Variants in ZNF730 observed in about 807,000 individuals in gnomAD.
The protein encoded by ZNF730 is zinc finger protein 730.
Under a neutral mutation model 12.6 loss-of-function variants are expected in ZNF730, and 12 were observed. The observed-to-expected ratio is 0.95, with a 90% CI of 0.61 to 1.54. The LOEUF (loss-of-function observed/expected upper bound fraction) is 1.54. Ranked by LOEUF, ZNF730 falls within the 40% of genes most tolerant of loss-of-function variation. The probability of loss-of-function intolerance (pLI) is 0.00; values close to 1 mark genes in which losing one functional copy is unlikely to be tolerated. For synonymous variants in ZNF730, 194 were observed against 195.8 expected, an observed-to-expected ratio of 0.99 and a Z score of 0.08; for missense variants, 643 against 583.5, an observed-to-expected ratio of 1.10 and a Z score of -1.05.
chr19:23,129,092 G>A lies in ZNF730; in HGVS notation c.4-4988G>A, dbSNP rs145297366. Among the ~76,000 whole-genome samples the A allele has an allele frequency of 3.7e-3, 559 of 152,294 alleles. 1 individual carries two copies. Among genetic ancestry groups the A allele is most frequent in the Non-Finnish European group, 6.2e-3 (424 of 68,028 alleles). On this transcript the variant is annotated intron_variant, in intron 1 of 3. Coordinates refer to ENST00000597761, the MANE Select transcript of ZNF730 (RefSeq NM_001277403.2). Reference sequence around the variant, plus strand: ...TCCACCTAGATTTCAGAGCTATATGGGAACCCCTGGATGGCCAGGCAGAAG... The same window carrying A: ...TCCACCTAGATTTCAGAGCTATATGAGAACCCCTGGATGGCCAGGCAGAAG...
chr19:23,088,673 C>T (rs1970107132), intron 1 of ZNF730, among the ~76,000 whole-genome samples: 1 of 151,796 alleles, frequency 6.6e-6, no homozygotes, highest in Non-Finnish European at 1.5e-5. Flanking sequence ...CCATGTTGGC[C>T]AGGCTGGTCT....
intron 1 of ZNF730, among the ~76,000 whole-genome samples, chr19:23,079,317 C>G (rs193090942): frequency 1.3e-5 from 2 of 151,994 alleles, no homozygotes; most frequent in East Asian, 3.9e-4. Context: ...GCCACCACGC[C>G]CAGCTTATTT....
At chr19:23,139,932 G>A (rs1167562619) in intron 3 of ZNF730, among the ~76,000 whole-genome samples, 1 of 151,928 alleles carries the variant, frequency 6.6e-6, no homozygotes, top group South Asian at 2.1e-4. Context: ...TTTCGGTGTG[G>A]GTTTCCTAAT....
At chr19:23,097,749 A>C (rs1970276800) in intron 1 of ZNF730, among the ~76,000 whole-genome samples, 1 of 152,090 alleles carries the variant, frequency 6.6e-6, no homozygotes, top group Admixed American at 6.6e-5. Flanking sequence ...TGTGTCATAT[A>C]GTTTTACCCA....
chr19:23,105,836 A>G (rs1970386622), intron 1 of ZNF730, among the ~76,000 whole-genome samples: 1 of 152,218 alleles, frequency 6.6e-6, no homozygotes, highest in Non-Finnish European at 1.5e-5. Context: ...TGCATCCATA[A>G]AATAGCATCC....
intron 1 of ZNF730, among the ~76,000 whole-genome samples, chr19:23,082,770 C>T (rs1037579735): frequency 3.3e-5 from 5 of 151,908 alleles, no homozygotes; most frequent in Non-Finnish European, 5.9e-5. Flanking sequence ...GGCGTGATCT[C>T]GGCTCACCGC....
intron 1 of ZNF730, chr19:23,123,543 CT>C (rs1159890721): frequency 6.7e-6 from 1 of 149,516 alleles, no homozygotes; most frequent in East Asian, 2.0e-4. Context: ...GCATTCCAGC[CT>C]AGGCAACACA....
At chr19:23,096,562 G>C (rs2145510464) in intron 1 of ZNF730, among the ~76,000 whole-genome samples, 1 of 152,262 alleles carries the variant, frequency 6.6e-6, no homozygotes, top group African/African-American at 2.4e-5. Flanking sequence ...CTGCCAACTG[G>C]GGTGTTTGTT....
chr19:23,081,422 C>T (rs187209134), intron 1 of ZNF730, among the ~76,000 whole-genome samples: 235 of 151,808 alleles, frequency 1.5e-3, no homozygotes, highest in Non-Finnish European at 2.4e-3. Context: ...CGGGTTCAAG[C>T]GATTCTCCTG....
At chr19:23,116,899 A>C, upstream of ZNF730, 2 of 460,136 alleles carry the variant, frequency 4.3e-6, no homozygotes, top group Non-Finnish European at 3.6e-6. Flanking sequence ...GCATCTGATC[A>C]CATCTGTCAC....
intron 1 of ZNF730, among the ~76,000 whole-genome samples, chr19:23,131,905 T>C (rs1388210814): frequency 1.3e-5 from 2 of 152,172 alleles, no homozygotes; most frequent in Non-Finnish European, 2.9e-5. Flanking sequence ...GAATCAAGTA[T>C]GAGGGTTCAA....
At chr19:23,142,795 A>C (rs1970942650) in intron 3 of ZNF730, among the ~76,000 whole-genome samples, 1 of 146,636 alleles carries the variant, frequency 6.8e-6, no homozygotes, top group Non-Finnish European at 1.5e-5. Context: ...TATTATTTTG[A>C]TTCTTGCATT....
intron 1 of ZNF730, among the ~76,000 whole-genome samples, chr19:23,133,024 A>C (rs1970764740): frequency 6.6e-6 from 1 of 152,204 alleles, no homozygotes; most frequent in South Asian, 2.1e-4. Flanking sequence ...GCCTTAGTCC[A>C]GTTGATATTA....
Position 23,089,282 on chromosome 19 carries a change from T to C in ZNF730, c.-94+13895T>C, listed in dbSNP as rs191305929. 1.3e-3 allele frequency among the ~76,000 whole-genome samples: 197 copies of C among 151,754 alleles called. 2 individuals carry two copies. Among genetic ancestry groups the C allele is most frequent in the Middle Eastern group, 6.8e-3 (2 of 294 alleles). On this transcript the variant is annotated intron_variant, in intron 1 of 2. Transcript: ENST00000593635. ...AGTGTAGTGGTGTGATCTCGGCTTCTGGCAACCTTTGTCTCCTAGGTTCAA... is the reference window on the plus strand; with the variant it reads ...AGTGTAGTGGTGTGATCTCGGCTTCCGGCAACCTTTGTCTCCTAGGTTCAA...
At chr19:23,101,407 G>A (rs2145536237) in intron 1 of ZNF730, among the ~76,000 whole-genome samples, 1 of 152,334 alleles carries the variant, frequency 6.6e-6, no homozygotes, top group African/African-American at 2.4e-5. Flanking sequence ...CCCACATTCT[G>A]TCAACCATTG....
chr19:23,112,832 A>G (rs1970474760), upstream of ZNF730, among the ~76,000 whole-genome samples: 1 of 152,182 alleles, frequency 6.6e-6, no homozygotes, highest in African/African-American at 2.4e-5. Flanking sequence ...ACTGCTCTTA[A>G]CCTATTTCAC....
At chr19:23,141,745 CT>C (rs377037414) in intron 3 of ZNF730, among the ~76,000 whole-genome samples, 38 of 150,778 alleles carry the variant, frequency 2.5e-4, no homozygotes, top group African/African-American at 8.5e-4. Flanking sequence ...TTTGGTAAGA[CT>C]TTTTTTTTGG....
chr19:23,093,514 C>T (rs1184838974), intron 1 of ZNF730, among the ~76,000 whole-genome samples: 1 of 152,222 alleles, frequency 6.6e-6, no homozygotes, highest in African/African-American at 2.4e-5. Flanking sequence ...CATCCCGCCC[C>T]TCTGGTTCCT....
chr19:23,112,782 T>C (rs1302751191), upstream of ZNF730, among the ~76,000 whole-genome samples: 2 of 150,444 alleles, frequency 1.3e-5, no homozygotes, highest in Non-Finnish European at 3.0e-5. Flanking sequence ...GAAATTTTAA[T>C]GGGACATTTG....
Sources: allele counts gnomAD v4.1 joint callset (sites outside exome capture counted in the v4.1 genomes callset), GRCh38; gene constraint gnomAD v4.1.1; transcripts MANE v1.5; gene names NCBI Gene and HGNC (gene_info 2026-07-23, HGNC 2026-07-21).